Variants in DLGAP2 observed in about 807,000 individuals in gnomAD.
DLGAP2 encodes the protein disks large-associated protein 2.
In DLGAP2, 26 loss-of-function variants were observed where a neutral mutation model predicts 100.3. The observed-to-expected ratio is 0.26, with a 90% CI of 0.19 to 0.36. The LOEUF (loss-of-function observed/expected upper bound fraction) is 0.36. Ranked by LOEUF, DLGAP2 falls within the 10% of genes least tolerant of loss-of-function variation. DLGAP2 has a pLI of 1.00. For missense variants in DLGAP2, 1,858 were observed against 1,453.2 expected, an observed-to-expected ratio of 1.28 and a Z score of -4.53; for synonymous variants, 886 against 630.1, an observed-to-expected ratio of 1.41 and a Z score of -6.08.
chr8:829,575 T>C (rs1796743678), intron 1 of DLGAP2, among the ~76,000 whole-genome samples: 1 of 152,200 alleles, frequency 6.6e-6, no homozygotes, highest in Non-Finnish European at 1.5e-5. Context: ...ATTCAGAGCT[T>C]TGCTTCTAGA....
At chr8:747,286 A>G (rs1820639664) in intron 1 of DLGAP2, among the ~76,000 whole-genome samples, 1 of 152,154 alleles carries the variant, frequency 6.6e-6, no homozygotes, top group Non-Finnish European at 1.5e-5. Context: ...ACTGCAAGAT[A>G]TCATAAAGCA....
intron 4 of DLGAP2, among the ~76,000 whole-genome samples, chr8:1,527,797 T>C (rs2130443220): frequency 6.6e-6 from 1 of 152,270 alleles, no homozygotes; most frequent in Non-Finnish European, 1.5e-5. Flanking sequence ...TGCACGCGTT[T>C]AGCATCTCCC....
At chr8:1,652,708 A>G (rs935758568) in intron 8 of DLGAP2, among the ~76,000 whole-genome samples, 2 of 152,176 alleles carry the variant, frequency 1.3e-5, no homozygotes, top group African/African-American at 4.8e-5. Context: ...TCCTTATGGA[A>G]TTTGCATCGT....
chr8:1,172,388 C>G (rs967927581), intron 2 of DLGAP2, among the ~76,000 whole-genome samples: 3 of 151,374 alleles, frequency 2.0e-5, no homozygotes, highest in Non-Finnish European at 4.4e-5. Flanking sequence ...CGAGGAGTAG[C>G]TTTGTGGCGT....
At chr8:1,663,498 A>T (rs1255692687) in intron 8 of DLGAP2, among the ~76,000 whole-genome samples, 3 of 152,150 alleles carry the variant, frequency 2.0e-5, no homozygotes, top group Admixed American at 2.0e-4. Context: ...CAGTTTCTCC[A>T]AGATCACATG....
intron 3 of DLGAP2, among the ~76,000 whole-genome samples, chr8:1,338,342 A>G (rs1801335972): frequency 6.6e-6 from 1 of 152,232 alleles, no homozygotes; most frequent in Admixed American, 6.5e-5. Flanking sequence ...GATGGAGCCC[A>G]CACCACATAC....
At chr8:1,669,811 C>T (rs1307809567) in intron 10 of DLGAP2, 27 bp downstream of exon 10, 2 of 780,756 alleles carry the variant, frequency 2.6e-6, no homozygotes, top group African/African-American at 1.7e-5. Flanking sequence ...GCTCCAAAGC[C>T]GCGTCCGCAT....
intron 2 of DLGAP2, among the ~76,000 whole-genome samples, chr8:1,150,756 G>A (rs578174059): frequency 6.6e-6 from 1 of 152,302 alleles, no homozygotes; most frequent in East Asian, 1.9e-4. Context: ...GAGCATACAT[G>A]TCAGACTCAA....
intron 2 of DLGAP2, among the ~76,000 whole-genome samples, chr8:1,228,446 C>T (rs1476139429): frequency 6.6e-6 from 1 of 152,116 alleles, no homozygotes; most frequent in East Asian, 1.9e-4. Context: ...AGGGAGTCCC[C>T]AACTCATTCT....
intron 1 of DLGAP2, among the ~76,000 whole-genome samples, chr8:854,228 G>C (rs1797234112): frequency 1.3e-5 from 2 of 152,186 alleles, no homozygotes; most frequent in Non-Finnish European, 2.9e-5. Flanking sequence ...ACCACCATGA[G>C]GGGGACAGCG....
chr8:1,506,349 C>T (rs549089791), intron 4 of DLGAP2, among the ~76,000 whole-genome samples: 1 of 152,158 alleles, frequency 6.6e-6, no homozygotes, highest in Admixed American at 6.5e-5. Context: ...GGTTCTTGGT[C>T]TCACTGACGT....
At chr8:1,033,149 C>T (rs1014379172) in intron 2 of DLGAP2, among the ~76,000 whole-genome samples, 1 of 152,034 alleles carries the variant, frequency 6.6e-6, no homozygotes, top group Admixed American at 6.6e-5. Flanking sequence ...CAGGCACTGA[C>T]CTTCCTCTGC....
At chr8:915,845 C>T (rs115805470) in intron 2 of DLGAP2, among the ~76,000 whole-genome samples, 1,333 of 131,226 alleles carry the variant, frequency 0.01, 25 homozygotes, top group African/African-American at 0.037. Context: ...TTTTTGTGTC[C>T]GTCCATCAGT....
chr8:1,507,591 G>C (rs559983300), intron 4 of DLGAP2, among the ~76,000 whole-genome samples: 66 of 152,308 alleles, frequency 4.3e-4, no homozygotes, highest in African/African-American at 1.6e-3. Flanking sequence ...GGCTCCTCAA[G>C]TGCGGCCGGA....
At chr8:1,156,179 T>G (rs1335024583) in intron 2 of DLGAP2, among the ~76,000 whole-genome samples, 8 of 152,162 alleles carry the variant, frequency 5.3e-5, no homozygotes, top group Admixed American at 5.2e-4. Flanking sequence ...TCACCGGGGC[T>G]GCAGCTCTCA....
At chr8:1,279,835 A>C (rs919290944) in intron 3 of DLGAP2, among the ~76,000 whole-genome samples, 1 of 152,150 alleles carries the variant, frequency 6.6e-6, no homozygotes, top group African/African-American at 2.4e-5. Context: ...CGGGAGGGAC[A>C]CCCATGACCT....
At chr8:1,049,467 G>A (rs1802609929) in intron 2 of DLGAP2, among the ~76,000 whole-genome samples, 1 of 151,868 alleles carries the variant, frequency 6.6e-6, no homozygotes, top group South Asian at 2.1e-4. Flanking sequence ...ACGTCACACG[G>A]GAATACAATT....
chr8:1,440,974 C>T (rs1287546600), intron 3 of DLGAP2, among the ~76,000 whole-genome samples: 1 of 152,172 alleles, frequency 6.6e-6, no homozygotes, highest in Non-Finnish European at 1.5e-5. Flanking sequence ...CTACATGAAA[C>T]CCTCCCAGCA....
intron 3 of DLGAP2, chr8:1,300,763 G>C (rs1051580051): frequency 6.6e-6 from 1 of 152,224 alleles, no homozygotes; most frequent in African/African-American, 2.4e-5. Context: ...CACATCCAGG[G>C]ACACAGCACA....
Sources: allele counts gnomAD v4.1 joint callset (sites outside exome capture counted in the v4.1 genomes callset), GRCh38; gene constraint gnomAD v4.1.1; transcripts MANE v1.5; gene names NCBI Gene and HGNC (gene_info 2026-07-23, HGNC 2026-07-21).